The following CRAMP1 variants were observed in gnomAD, a reference collection of about 807,000 sequenced individuals.
The protein encoded by CRAMP1 is protein cramped-like.
A neutral mutation model predicts 115.4 loss-of-function variants in CRAMP1; 50 were observed. The observed-to-expected ratio is 0.43, with a 90% confidence interval of 0.35 to 0.55. The LOEUF is 0.55. Ranked by LOEUF, CRAMP1 falls within the 20% of genes least tolerant of loss-of-function variation. The probability of loss-of-function intolerance (pLI) is 0.01; values close to 1 mark genes in which losing one functional copy is unlikely to be tolerated. For missense variants in CRAMP1, 1,679 were observed against 1,721.7 expected, an observed-to-expected ratio of 0.98 and a Z score of 0.44; for synonymous variants, 866 against 745.4, an observed-to-expected ratio of 1.16 and a Z score of -2.64.
At chr16:1,617,766 A>G (rs1435692670) in intron 2 of CRAMP1, among the ~76,000 whole-genome samples, 1 of 152,188 alleles carries the variant, frequency 6.6e-6, no homozygotes, top group East Asian at 1.9e-4. Flanking sequence ...TCTGAAGAAG[A>G]CACTCTTATT....
At chr16:1,635,407 A>T (rs1053047651) in intron 4 of CRAMP1, among the ~76,000 whole-genome samples, 1 of 152,190 alleles carries the variant, frequency 6.6e-6, no homozygotes, top group African/African-American at 2.4e-5. Context: ...TCCATTGCTC[A>T]GTGGAGATTT....
At chr16:1,642,504 G>A (rs1224050623) in intron 6 of CRAMP1, among the ~76,000 whole-genome samples, 5 of 152,204 alleles carry the variant, frequency 3.3e-5, no homozygotes, top group Non-Finnish European at 7.4e-5. Context: ...GCCAGGGGCC[G>A]CCAGCCATAG....
chr16:1,660,119 G>T, intron 11 of CRAMP1, 56 bp downstream of exon 11: 4 of 1,405,536 alleles, frequency 2.8e-6, no homozygotes, highest in Non-Finnish European at 2.8e-6. Flanking sequence ...GGCACCTCAG[G>T]CTTCAGGGGC....
rs1031647234 is a variant in CRAMP1, at chr16:1,676,375, G to A, written c.*2330G>A. 1 of 152,266 alleles carries A rather than the reference G, an allele frequency of 6.6e-6. No homozygotes were observed. The highest frequency in any genetic ancestry group is 1.5e-5 in the Non-Finnish European group (1 of 68,054). The allele number at this position is 152,266 out of a possible 1,614,324, so 9.4% of individuals were successfully genotyped here. ...CTGCTTCTCTAGTAACTAGACAGGT[G>A]ATACGCATTTGCTTGCCACATTAAG... On this transcript the variant is annotated 3_prime_UTR_variant, in exon 21 of 21. Coordinates refer to ENST00000397412, the MANE Select transcript of CRAMP1 (RefSeq NM_020825.4).
At chr16:1,640,519 G>A (rs568671304) in intron 5 of CRAMP1, among the ~76,000 whole-genome samples, 1 of 152,154 alleles carries the variant, frequency 6.6e-6, no homozygotes, top group Non-Finnish European at 1.5e-5. Context: ...ATTTTACAGT[G>A]AACAGCCAAG....
In CRAMP1 at chr16:1,656,004, T is replaced by C; in HGVS notation, c.1247T>C (p.Val416Ala). 6.2e-7 allele frequency: 1 copy of C among 1,612,824 alleles called. No homozygotes were observed. The highest frequency in any genetic ancestry group is 8.5e-7 in the Non-Finnish European group (1 of 1,179,864). Residue 416 changes from valine (V) to alanine (A), a missense_variant, in exon 10 of 21, where the codon GTG (valine) becomes GCG (alanine). Val to Ala is a moderately conservative substitution (Grantham distance 64). Coordinates refer to ENST00000397412, the MANE Select transcript of CRAMP1 (RefSeq NM_020825.4). The surrounding 1 kb of genome is among the most constrained non-coding windows in gnomAD (Gnocchi z 5.6). ...LTPLPGVARV[V>A]HSKAFCTVHW... ...CCGCTGCCGGGCGTGGCTCGCGTGG[T>C]GCACTCCAAGGCCTTCTGCACAGTG...
rs746838954 is a variant in CRAMP1, at chr16:1,674,008, G to C, written c.3773G>C (p.Gly1258Ala). 7.4e-6 allele frequency: 12 copies of C among 1,612,416 alleles called. No individual in the cohort carries two copies. In the East Asian group the frequency reaches 2.7e-4, roughly 36 times the overall value. The change falls in exon 21 of 21, where the codon GGT becomes GCT. Residue 1258 changes from glycine to alanine, a missense_variant. By Grantham distance (60) the Gly-to-Ala change is moderately conservative. Transcript: ENST00000397412. ...CGCCGAGAAGCTCTGTTTGATGGTG[G>C]TGGAGGCGGCCCCGCTGTCAGTGAC... is the stretch of plus-strand genomic sequence containing the variant. The part of the protein sequence containing the change: ...PGRREALFDG[G>A]GGGPAVSDLS...
In CRAMP1 at chr16:1,666,298, C is replaced by T; in HGVS notation, c.2857+121C>T. 1.7e-6 allele frequency: 2 copies of T among 1,185,868 alleles called. No individual in the cohort carries two copies. The highest frequency in any genetic ancestry group is 1.4e-5 in the South Asian group (1 of 72,794). 73.5% of individuals were successfully genotyped at this position (1,185,868 alleles called of 1,614,324 possible). On this transcript the variant is annotated intron_variant, in intron 15 of 20. Coordinates refer to ENST00000397412, the MANE Select transcript of CRAMP1 (RefSeq NM_020825.4). This position sits in a 1 kb window ranked among gnomAD's most constrained non-coding sequence, Gnocchi z 5.0. Reference sequence around the variant, plus strand: ...ATGTCTCATTACCCTTCACCAAGAACATCTAAGCCCTTGGCTCTTGCATTG... The same window carrying T: ...ATGTCTCATTACCCTTCACCAAGAATATCTAAGCCCTTGGCTCTTGCATTG...
chr16:1,652,622 A>C lies in CRAMP1; in HGVS notation c.913+41A>C, dbSNP rs992124790. 6 of 1,502,810 alleles carry C rather than the reference A, an allele frequency of 4.0e-6. No individual in the cohort carries two copies. In the African/African-American group the frequency reaches 8.3e-5, roughly 21 times the overall value. The allele number at this position is 1,502,810 out of a possible 1,614,324, so 93.1% of individuals were successfully genotyped here. ...GCTCCCGGGACCAGAGGCGGTGCCCATGGTGTCCCATTCAATGATGGGCAG... is the reference window on the plus strand; with the variant it reads ...GCTCCCGGGACCAGAGGCGGTGCCCCTGGTGTCCCATTCAATGATGGGCAG... On this transcript the variant is annotated intron_variant, in intron 7 of 20. Coordinates refer to ENST00000397412, the MANE Select transcript of CRAMP1 (RefSeq NM_020825.4).
In CRAMP1 at chr16:1,612,362, G is replaced by C. The variant is rs999321907; in HGVS notation, c.-297G>C. The stretch of plus-strand genomic sequence containing the variant: ...CCCCGCCCCCGCGCGCCGTCCGTGA[G>C]GTCCCCACCGGCCGCCGTAGCCGGA... On this transcript the variant is annotated 5_prime_UTR_variant, in exon 1 of 21. Coordinates refer to ENST00000397412, the MANE Select transcript of CRAMP1 (RefSeq NM_020825.4). The C allele has an allele frequency of 1.3e-5, 2 of 151,928 alleles. No homozygotes were observed. Among genetic ancestry groups the C allele is most frequent in the African/African-American group, 4.8e-5 (2 of 41,360 alleles). 9.4% of individuals were successfully genotyped at this position (151,928 alleles called of 1,614,324 possible).
At chr16:1,663,969 GAA>G (rs1184388112) in intron 13 of CRAMP1, among the ~76,000 whole-genome samples, 1 of 152,146 alleles carries the variant, frequency 6.6e-6, no homozygotes, top group Non-Finnish European at 1.5e-5. Flanking sequence ...GCCCTTTACA[GAA>G]AAAGTGTGTC....
chr16:1,667,882 G>A, intron 17 of CRAMP1, 80 bp from the exon 18 acceptor site: 1 of 872,990 alleles, frequency 1.1e-6, no homozygotes, highest in South Asian at 1.6e-5. Context: ...TGCAAGCTAG[G>A]AGAGTAAGCT....
intron 6 of CRAMP1, among the ~76,000 whole-genome samples, chr16:1,643,042 C>T (rs780875166): frequency 6.6e-6 from 1 of 152,116 alleles, no homozygotes; most frequent in Non-Finnish European, 1.5e-5. Context: ...CAGGTAGTAG[C>T]TTTGTGGAGG....
chr16:1,642,832 T>C (rs1361180276), intron 6 of CRAMP1, among the ~76,000 whole-genome samples: 4 of 152,258 alleles, frequency 2.6e-5, no homozygotes, highest in Non-Finnish European at 5.9e-5. Flanking sequence ...CCAGACTCTT[T>C]GCTGTATGCT....
chr16:1,652,395 C>T (rs2036731859), intron 6 of CRAMP1, 101 bp from the exon 7 acceptor site: 1 of 1,025,916 alleles, frequency 9.7e-7, no homozygotes, highest in Non-Finnish European at 1.4e-6. Flanking sequence ...GATGCTTGGC[C>T]AGGCCCCACC....
At chr16:1,673,586 T>A (rs1442636523) in intron 20 of CRAMP1, among the ~76,000 whole-genome samples, 1 of 152,270 alleles carries the variant, frequency 6.6e-6, no homozygotes. Context: ...ACAGTCTGTC[T>A]ACCTGTTGGG....
chr16:1,673,827 C>T (rs762379749), intron 20 of CRAMP1, 54 bp from the exon 21 acceptor site: 18 of 1,576,582 alleles, frequency 1.1e-5, no homozygotes, highest in Non-Finnish European at 1.5e-5. Context: ...CCGCCCTCCA[C>T]TGAAGGGCCA....
intron 2 of CRAMP1, among the ~76,000 whole-genome samples, chr16:1,620,226 T>G (rs2036454668): frequency 6.6e-6 from 1 of 152,204 alleles, no homozygotes; most frequent in African/African-American, 2.4e-5. Flanking sequence ...CTCAGGAGAC[T>G]TGGAGGTGGA....
chr16:1,668,433 T>C (rs1411838895), intron 18 of CRAMP1, among the ~76,000 whole-genome samples: 1 of 152,218 alleles, frequency 6.6e-6, no homozygotes, highest in Non-Finnish European at 1.5e-5. Flanking sequence ...GACAGTGGAA[T>C]GGCCCCCAGG....
Sources: gnomAD v4.1 joint callset for allele counts (sites outside exome capture counted in the v4.1 genomes callset) on GRCh38, gnomAD v4.1.1 for gene constraint, Gnocchi (gnomAD v3.1) non-coding constraint, MANE v1.5 for transcripts, NCBI Gene and HGNC (gene_info 2026-07-23, HGNC 2026-07-21) for gene names.